The following ELAVL3 variants were observed in gnomAD, a reference collection of about 807,000 sequenced individuals.
ELAVL3 encodes ELAV-like protein 3.
A neutral mutation model predicts 34.2 loss-of-function variants in ELAVL3; 8 were observed. That is an observed-to-expected ratio of 0.23 (90% CI 0.14 to 0.42). The LOEUF (loss-of-function observed/expected upper bound fraction) is 0.42, where lower values mean the gene tolerates loss of function less well. ELAVL3 is among the 10% of genes least tolerant of loss of function. The probability of loss-of-function intolerance (pLI) is 1.00; values close to 1 mark genes in which losing one functional copy is unlikely to be tolerated. For missense variants in ELAVL3, 273 were observed against 518.8 expected (o/e 0.53, Z 4.60); for synonymous variants, 209 against 222.1 (o/e 0.94, Z 0.53).
Position 11,480,469 on chromosome 19 carries a change from G to T in ELAVL3, c.9+131C>A. Reference sequence around the variant, plus strand: ...GCCCACTCTCAGGCCCCGAGGCTTGGTCCTACCCCCCCAACCCGGGCCTAG... The same window carrying T: ...GCCCACTCTCAGGCCCCGAGGCTTGTTCCTACCCCCCCAACCCGGGCCTAG... On this transcript the variant is annotated intron_variant, in intron 1 of 6. Transcript: ENST00000359227. This position sits in a 1 kb window ranked among gnomAD's most constrained non-coding sequence, Gnocchi z 6.8. 1 of 1,162,166 alleles carries T rather than the reference G, an allele frequency of 8.6e-7. No individual in the cohort carries two copies. The highest frequency in any genetic ancestry group is 3.2e-5 in the East Asian group (1 of 31,470). The allele number at this position is 1,162,166 out of a possible 1,614,324, so 72.0% of individuals were successfully genotyped here.
chr19:11,464,721 CACAT>C (rs1970981315), intron 3 of ELAVL3, among the ~76,000 whole-genome samples: 1 of 58,744 alleles, frequency 1.7e-5, no homozygotes, highest in Non-Finnish European at 3.5e-5. Flanking sequence ...CACACACACA[CACAT>C]CACACACACA....
At chr19:11,460,704 C>T (rs1206433693) in intron 3 of ELAVL3, among the ~76,000 whole-genome samples, 1 of 151,964 alleles carries the variant, frequency 6.6e-6, no homozygotes, top group Non-Finnish European at 1.5e-5. Flanking sequence ...CCTCCCTGTC[C>T]TCTCTCATCT....
intron 1 of ELAVL3, among the ~76,000 whole-genome samples, chr19:11,470,571 G>A (rs1971144485): frequency 6.6e-6 from 1 of 151,846 alleles, no homozygotes; most frequent in South Asian, 2.1e-4. Context: ...CAGCTACTCA[G>A]GAGGCTGAGG....
At position 11,453,521 on chromosome 19, in the gene ELAVL3, C is replaced by T. The variant is rs1356429605; in HGVS notation, c.*1005G>A. ...ATGTCCAAATATCTATCGCTACATT[C>T]ACGTGTGCACGTGGACAGGTGGATG... On this transcript the variant is annotated 3_prime_UTR_variant, in exon 7 of 7. Coordinates refer to ENST00000359227, the MANE Select transcript of ELAVL3 (RefSeq NM_001420.4). 6.5e-6 allele frequency: 1 copy of T among 152,840 alleles called. No individual in the cohort carries two copies. The highest frequency in any genetic ancestry group is 1.5e-5 in the Non-Finnish European group (1 of 68,078). 9.5% of individuals were successfully genotyped at this position (152,840 alleles called of 1,614,324 possible). A position where few individuals can be genotyped will look rare whatever the true frequency, so the allele number is the denominator to read the frequency against.
chr19:11,457,314 G>A (rs1388708369), intron 5 of ELAVL3, among the ~76,000 whole-genome samples, 166 bp from the exon 6 acceptor site: 1 of 144,516 alleles, frequency 6.9e-6, no homozygotes, highest in Non-Finnish European at 1.5e-5. Context: ...GCACGGAACC[G>A]TGGTCACTCA....
intron 1 of ELAVL3, among the ~76,000 whole-genome samples, chr19:11,475,206 AT>A (rs1971240986): frequency 6.6e-6 from 1 of 152,160 alleles, no homozygotes; most frequent in Non-Finnish European, 1.5e-5. Context: ...TTTGAGGCAT[AT>A]TTTCAGTTAC....
At chr19:11,478,521 G>A (rs1193089819) in intron 1 of ELAVL3, among the ~76,000 whole-genome samples, 1 of 152,092 alleles carries the variant, frequency 6.6e-6, no homozygotes, top group African/African-American at 2.4e-5. Context: ...GGGTGGCAAA[G>A]TCAGGGAGGA....
chr19:11,467,981 G>A (rs1971090084), intron 1 of ELAVL3, among the ~76,000 whole-genome samples: 1 of 152,072 alleles, frequency 6.6e-6, no homozygotes, highest in African/African-American at 2.4e-5. Context: ...GTAGAGATGG[G>A]GTCTCACTAT....
chr19:11,461,344 G>T (rs1208155499), intron 3 of ELAVL3, among the ~76,000 whole-genome samples: 1 of 152,250 alleles, frequency 6.6e-6, no homozygotes, highest in East Asian at 1.9e-4. Context: ...AGCATGGTAG[G>T]GAAGTCCACC....
intron 3 of ELAVL3, among the ~76,000 whole-genome samples, chr19:11,464,977 T>TACACCACACACACACCAC (rs1234158524): frequency 1.7e-5 from 1 of 57,636 alleles, no homozygotes; most frequent in Non-Finnish European, 3.2e-5. Context: ...GACACACACA[T>TACACCACACACACACCAC]ACACCACACA....
Position 11,480,342 on chromosome 19 carries a change from C to A in ELAVL3, c.9+258G>T, listed in dbSNP as rs1194339372. On this transcript the variant is annotated intron_variant, in intron 1 of 6. Coordinates refer to ENST00000359227, the MANE Select transcript of ELAVL3 (RefSeq NM_001420.4). The surrounding 1 kb of genome is among the most constrained non-coding windows in gnomAD (Gnocchi z 6.8). The stretch of plus-strand genomic sequence containing the variant: ...AGGCCTGCTGGAGAGGGGGCAATCC[C>A]GCCTCCAGGGCGGCGTCGGACGCCT... 1.2e-5 allele frequency: 5 copies of A among 402,600 alleles called. No homozygotes were observed. Among genetic ancestry groups the A allele is most frequent in the South Asian group, 8.5e-5 (1 of 11,724 alleles). The allele number at this position is 402,600 out of a possible 1,614,324, so 24.9% of individuals were successfully genotyped here. A position where few individuals can be genotyped will look rare whatever the true frequency, so the allele number is the denominator to read the frequency against.
chr19:11,467,565 C>A (rs1239399436), intron 1 of ELAVL3, among the ~76,000 whole-genome samples: 2 of 151,488 alleles, frequency 1.3e-5, no homozygotes, highest in African/African-American at 4.8e-5. Context: ...CTTGCTGCAA[C>A]CTCCGCCTCT....
rs896610302 is a variant in ELAVL3 at position 11,452,208 on chromosome 19, G to A, written c.*2318C>T. On this transcript the variant is annotated 3_prime_UTR_variant, in exon 7 of 7. Coordinates refer to ENST00000359227, the MANE Select transcript of ELAVL3 (RefSeq NM_001420.4). ...CGCGTGCCACTCGGCTACCATTACT[G>A]TTATTAATAATTATTATTACTTTAA... is the stretch of plus-strand genomic sequence containing the variant. 1 of 152,210 alleles carries A rather than the reference G, an allele frequency of 6.6e-6. No homozygotes were observed. Among genetic ancestry groups the A allele is most frequent in the Non-Finnish European group, 1.5e-5 (1 of 68,038 alleles). The allele number at this position is 152,210 out of a possible 1,614,324, so 9.4% of individuals were successfully genotyped here.
At position 11,454,463 on chromosome 19, in the gene ELAVL3, CTCTCTT is replaced by C. The variant is rs1970723643; in HGVS notation, c.*57_*62del. The C allele has an allele frequency of 6.4e-6, 9 of 1,404,446 alleles. No homozygotes were observed. The highest frequency in any genetic ancestry group is 1.4e-5 in the South Asian group (1 of 71,306). The allele number at this position is 1,404,446 out of a possible 1,614,324, so 87.0% of individuals were successfully genotyped here. A position where few individuals can be genotyped will look rare whatever the true frequency, so the allele number is the denominator to read the frequency against. On this transcript the variant is annotated 3_prime_UTR_variant, in exon 7 of 7. Coordinates refer to ENST00000359227, the MANE Select transcript of ELAVL3 (RefSeq NM_001420.4). The surrounding 1 kb of genome is among the most constrained non-coding windows in gnomAD (Gnocchi z 9.2). The stretch of plus-strand genomic sequence containing the variant: ...TCTTGGGCCCCTTCTCTCTCTCTCT[CTCTCTT>C]TCTCTCTCTCTCTCTCTGCTGCCCG...
Position 11,458,317 on chromosome 19 carries a change from G to C in ELAVL3, c.488-31C>G, listed in dbSNP as rs554613184. 1 of 1,610,270 alleles carries C rather than the reference G, an allele frequency of 6.2e-7. No individual in the cohort carries two copies. The highest frequency in any genetic ancestry group is 8.5e-7 in the Non-Finnish European group (1 of 1,177,926). On this transcript the variant is annotated intron_variant, in intron 4 of 6. Coordinates refer to ENST00000359227, the MANE Select transcript of ELAVL3 (RefSeq NM_001420.4). This position sits in a 1 kb window ranked among gnomAD's most constrained non-coding sequence, Gnocchi z 7.3. ...AGGGGGCAGGGATGTCCATCACGAC[G>C]ACCCTGTCCCCTCCTGTGTAACCCC...
Position 11,466,497 on chromosome 19 carries a change from C to T in ELAVL3, c.229+111G>A, listed in dbSNP as rs1054004251. On this transcript the variant is annotated intron_variant, in intron 2 of 6. Coordinates refer to ENST00000359227, the MANE Select transcript of ELAVL3 (RefSeq NM_001420.4). This position sits in a 1 kb window ranked among gnomAD's most constrained non-coding sequence, Gnocchi z 5.0. Reference sequence around the variant, plus strand: ...CAGACCTCACATCCCTAGACCACCTCCTGCCTCGATTACCCCCGAGACACC... The same window carrying T: ...CAGACCTCACATCCCTAGACCACCTTCTGCCTCGATTACCCCCGAGACACC... 5.4e-6 allele frequency: 7 copies of T among 1,293,294 alleles called. No individual in the cohort carries two copies. In the African/African-American group the frequency reaches 1.0e-4, roughly 19 times the overall value. The allele number at this position is 1,293,294 out of a possible 1,614,324, so 80.1% of individuals were successfully genotyped here.
intron 1 of ELAVL3, among the ~76,000 whole-genome samples, chr19:11,471,983 C>G (rs1478965673): frequency 6.6e-6 from 1 of 152,218 alleles, no homozygotes; most frequent in Non-Finnish European, 1.5e-5. Flanking sequence ...ATAAGAAGGT[C>G]AAGTAGCCAG....
At position 11,480,155 on chromosome 19, in the gene ELAVL3, G is replaced by A. The variant is rs987860489; in HGVS notation, c.9+445C>T. ...CCCGGGTGCGGCCGAGGCCCGGGGC[G>A]CGCGATCCGACGCCACCCGCTTTCC... On this transcript the variant is annotated intron_variant, in intron 1 of 6. Transcript: ENST00000359227. This position sits in a 1 kb window ranked among gnomAD's most constrained non-coding sequence, Gnocchi z 6.8. 12 of 158,810 alleles carry A rather than the reference G, an allele frequency of 7.6e-5. No individual in the cohort carries two copies. The East Asian group carries it at 2.2e-3, about 29-fold the overall frequency. The allele number at this position is 158,810 out of a possible 1,614,324, so 9.8% of individuals were successfully genotyped here.
intron 6 of ELAVL3, among the ~76,000 whole-genome samples, chr19:11,456,394 G>A (rs1003043277): frequency 1.3e-5 from 2 of 152,106 alleles, no homozygotes; most frequent in Non-Finnish European, 1.5e-5. Context: ...GTGAGCCACC[G>A]CGCCCGGCCT....
Sources: allele counts gnomAD v4.1 joint callset (sites outside exome capture counted in the v4.1 genomes callset), GRCh38; gene constraint gnomAD v4.1.1; non-coding constraint Gnocchi (gnomAD v3.1); transcripts MANE v1.5; gene names NCBI Gene and HGNC (gene_info 2026-07-23, HGNC 2026-07-21).